CCSER1: variants seen among roughly 807,000 people sequenced by gnomAD.
CCSER1 encodes serine-rich coiled-coil domain-containing protein 1.
CCSER1 carries 41 observed loss-of-function variants against 82.0 expected under a neutral mutation model. The observed-to-expected ratio is 0.50, with a 90% CI of 0.39 to 0.65. CCSER1 has a LOEUF of 0.65. CCSER1 is among the 30% of genes least tolerant of loss of function. CCSER1 has a pLI of 0.00. For missense variants in CCSER1, 1,119 were observed against 1,064.2 expected (o/e 1.05, Z -0.72); for synonymous variants, 414 against 383.9 (o/e 1.08, Z -0.92).
chr4:91,274,207 A>AC (rs1350145974), intron 10 of CCSER1, among the ~76,000 whole-genome samples: 1 of 152,084 alleles, frequency 6.6e-6, no homozygotes, highest in African/African-American at 2.4e-5. Context: ...ATTGATACAT[A>AC]CTATTTTTAC....
At chr4:91,052,451 A>G (rs2148712464) in intron 9 of CCSER1, among the ~76,000 whole-genome samples, 1 of 152,274 alleles carries the variant, frequency 6.6e-6, no homozygotes, top group East Asian at 1.9e-4. Flanking sequence ...TATTTATTAC[A>G]CTTATGTTTG....
intron 10 of CCSER1, among the ~76,000 whole-genome samples, chr4:91,365,684 A>G (rs1749563180): frequency 6.6e-6 from 1 of 152,210 alleles, no homozygotes; most frequent in South Asian, 2.1e-4. Context: ...TCATCTGGAA[A>G]ACATTTAGGG....
intron 10 of CCSER1, among the ~76,000 whole-genome samples, chr4:91,149,963 C>T (rs1044713009): frequency 6.6e-6 from 1 of 151,868 alleles, no homozygotes; most frequent in Non-Finnish European, 1.5e-5. Context: ...GCAATGCAGG[C>T]TTTTTTTTGG....
intron 10 of CCSER1, among the ~76,000 whole-genome samples, chr4:91,437,859 C>T (rs1293131772): frequency 2.0e-5 from 3 of 152,330 alleles, no homozygotes; most frequent in Non-Finnish European, 4.4e-5. Context: ...GTCCTACGCC[C>T]ACAGAGTCTT....
At chr4:90,360,219 A>G (rs1050139940) in intron 3 of CCSER1, among the ~76,000 whole-genome samples, 1 of 145,044 alleles carries the variant, frequency 6.9e-6, no homozygotes, top group Non-Finnish European at 1.5e-5. Flanking sequence ...GCCCGGCCAC[A>G]ATATTCTTAT....
chr4:90,207,784 A>T (rs1739170137), intron 1 of CCSER1, among the ~76,000 whole-genome samples: 1 of 152,138 alleles, frequency 6.6e-6, no homozygotes, highest in South Asian at 2.1e-4. Context: ...AGTTTGCTTG[A>T]GGTCCACTCC....
At chr4:90,781,072 A>G (rs1052458709) in intron 7 of CCSER1, 2 of 176,730 alleles carry the variant, frequency 1.1e-5, no homozygotes, top group African/African-American at 4.8e-5. Context: ...ACATAATTTT[A>G]AATTACCAGA....
chr4:90,568,620 G>A (rs1016538648), intron 5 of CCSER1, among the ~76,000 whole-genome samples: 6 of 152,038 alleles, frequency 3.9e-5, no homozygotes, highest in African/African-American at 1.4e-4. Context: ...CAGCCACTCA[G>A]TCTTTTGATT....
chr4:90,491,502 C>A (rs949747698), intron 5 of CCSER1, among the ~76,000 whole-genome samples: 1 of 152,074 alleles, frequency 6.6e-6, no homozygotes, highest in African/African-American at 2.4e-5. Context: ...ATTGAATACC[C>A]TTTATTTCTT....
At chr4:91,013,604 CTTTT>C (rs1188536764) in intron 9 of CCSER1, among the ~76,000 whole-genome samples, 3 of 107,622 alleles carry the variant, frequency 2.8e-5, no homozygotes, top group Middle Eastern at 4.4e-3. Flanking sequence ...TTAAGATTTT[CTTTT>C]TTTTTTTTTT....
intron 10 of CCSER1, among the ~76,000 whole-genome samples, chr4:91,233,320 C>A (rs1738765204): frequency 2.6e-5 from 4 of 151,774 alleles, no homozygotes; most frequent in South Asian, 4.2e-4. Context: ...AGAGATAACA[C>A]CTTTGGAAAG....
intron 5 of CCSER1, among the ~76,000 whole-genome samples, chr4:90,472,147 A>G (rs1052275598): frequency 6.6e-6 from 1 of 152,180 alleles, no homozygotes; most frequent in Non-Finnish European, 1.5e-5. Context: ...AAATTCATAA[A>G]TCATTGAGTC....
chr4:91,376,367 T>C (rs1395065802), intron 10 of CCSER1, among the ~76,000 whole-genome samples: 2 of 152,160 alleles, frequency 1.3e-5, no homozygotes, highest in Non-Finnish European at 2.9e-5. Context: ...CATGTGATAG[T>C]GTAGACAACT....
intron 10 of CCSER1, among the ~76,000 whole-genome samples, chr4:91,199,109 A>G (rs1315345118): frequency 6.6e-6 from 1 of 152,126 alleles, no homozygotes; most frequent in Non-Finnish European, 1.5e-5. Context: ...CCAAACCCTC[A>G]ACCAATCACT....
At chr4:90,251,318 T>C (rs1052635761) in intron 1 of CCSER1, among the ~76,000 whole-genome samples, 1 of 151,918 alleles carries the variant, frequency 6.6e-6, no homozygotes, top group Non-Finnish European at 1.5e-5. Context: ...TAATTTTAGA[T>C]GTGAAAGCAT....
In CCSER1 at chr4:91,039,110, C is replaced by T. The variant is rs995342396; in HGVS notation, c.2173-46840C>T. Reference sequence around the variant, plus strand: ...GTGGCACAATCATAGCTCACTGCAGCCTCAACCACTTGGCTCAAGCAATCC... The same window carrying T: ...GTGGCACAATCATAGCTCACTGCAGTCTCAACCACTTGGCTCAAGCAATCC... On this transcript the variant is annotated intron_variant, in intron 9 of 10. Coordinates refer to ENST00000509176, the MANE Select transcript of CCSER1 (RefSeq NM_001145065.2). Among the ~76,000 whole-genome samples the T allele has an allele frequency of 3.3e-5, 5 of 152,172 alleles. No homozygotes were observed. The East Asian group carries it at 9.6e-4, about 29-fold the overall frequency.
At chr4:91,380,881 G>A (rs1006686160) in intron 10 of CCSER1, among the ~76,000 whole-genome samples, 1 of 152,138 alleles carries the variant, frequency 6.6e-6, no homozygotes, top group African/African-American at 2.4e-5. Context: ...GCAGTGGCTG[G>A]TACTGGTTGT....
chr4:90,273,002 C>CAAAA (rs1051768308), intron 1 of CCSER1, among the ~76,000 whole-genome samples: 39 of 140,816 alleles, frequency 2.8e-4, no homozygotes, highest in African/African-American at 1.1e-3. Flanking sequence ...GACTCTATCT[C>CAAAA]AAAAAAACAA....
At chr4:91,322,251 A>C (rs1402533373) in intron 10 of CCSER1, among the ~76,000 whole-genome samples, 1 of 152,042 alleles carries the variant, frequency 6.6e-6, no homozygotes, top group African/African-American at 2.4e-5. Flanking sequence ...CCCCTCACTG[A>C]TCTGTCCCTT....
Sources: gnomAD v4.1 joint callset for allele counts (sites outside exome capture counted in the v4.1 genomes callset) on GRCh38, gnomAD v4.1.1 for gene constraint, MANE v1.5 for transcripts, NCBI Gene and HGNC (gene_info 2026-07-23, HGNC 2026-07-21) for gene names.